KCNU1: variants seen among roughly 807,000 people sequenced by gnomAD.
KCNU1 encodes potassium calcium-activated channel subfamily U member 1.
In KCNU1, 93 loss-of-function variants were observed where a neutral mutation model predicts 126.8. The observed-to-expected ratio is 0.73, with a 90% CI of 0.62 to 0.87. The LOEUF (loss-of-function observed/expected upper bound fraction) is 0.87. Among genes scored for constraint, KCNU1 ranks in the 40% least tolerant of loss-of-function variants. The probability of loss-of-function intolerance (pLI) is 0.00; values close to 1 mark genes in which losing one functional copy is unlikely to be tolerated. For missense variants in KCNU1, 1,330 were observed against 1,367.1 expected (o/e 0.97, Z 0.43); for synonymous variants, 523 against 494.2 (o/e 1.06, Z -0.77).
intron 7 of KCNU1, among the ~76,000 whole-genome samples, chr8:36,813,851 A>G (rs1803810850): frequency 7.1e-6 from 1 of 141,802 alleles, no homozygotes; most frequent in Non-Finnish European, 1.5e-5. Context: ...ATATGTCATA[A>G]TTGCTCAGTC....
intron 19 of KCNU1, among the ~76,000 whole-genome samples, chr8:36,900,557 A>G (rs1346688381): frequency 6.6e-6 from 1 of 152,084 alleles, no homozygotes; most frequent in Admixed American, 6.6e-5. Context: ...CTGCCCTTAC[A>G]TTCCCCAATT....
In KCNU1 at chr8:36,874,571, T is replaced by C. The variant is rs113135733; in HGVS notation, c.2009+10050T>C. 1.3e-3 allele frequency among the ~76,000 whole-genome samples: 196 copies of C among 152,184 alleles called. 1 individual carries two copies. The highest frequency in any genetic ancestry group is 4.6e-3 in the African/African-American group (192 of 41,526). On this transcript the variant is annotated intron_variant, in intron 19 of 26. Transcript: ENST00000399881. ...TGGGCAGGAGGTCTTGGTGGCATCA[T>C]CCCTGAGCCGGGCTTCATCCCATGA...
At chr8:36,861,199 A>G (rs1426630550) in intron 18 of KCNU1, among the ~76,000 whole-genome samples, 2 of 152,210 alleles carry the variant, frequency 1.3e-5, no homozygotes, top group Non-Finnish European at 1.5e-5. Context: ...TTCAATAAAA[A>G]GAAAAGCAAC....
At chr8:36,901,230 G>A (rs1033428219) in intron 19 of KCNU1, among the ~76,000 whole-genome samples, 7 of 152,104 alleles carry the variant, frequency 4.6e-5, no homozygotes, top group African/African-American at 1.4e-4. Context: ...TGGAAACCAT[G>A]CCTCCTGAAC....
chr8:36,901,266 T>C (rs570629358), intron 19 of KCNU1, among the ~76,000 whole-genome samples: 1 of 152,234 alleles, frequency 6.6e-6, no homozygotes, highest in East Asian at 1.9e-4. Flanking sequence ...TAGTCCACCT[T>C]CTTAATAGAA....
At chr8:36,862,247 G>A (rs1805758771) in intron 18 of KCNU1, among the ~76,000 whole-genome samples, 2 of 152,262 alleles carry the variant, frequency 1.3e-5, no homozygotes, top group East Asian at 1.9e-4. Context: ...CAAACAGAAT[G>A]AGATCAGAGA....
chr8:36,843,956 T>C (rs1350483738), intron 16 of KCNU1, among the ~76,000 whole-genome samples: 1 of 152,150 alleles, frequency 6.6e-6, no homozygotes, highest in East Asian at 1.9e-4. Flanking sequence ...AATAACACCA[T>C]GTTAGGAAAA....
Position 36,922,516 on chromosome 8 carries a change from G to T in KCNU1, c.2623G>T (p.Glu875Ter), listed in dbSNP as rs754747488. ...AAATCCTTCCAACATTCACTTTATT[G>T]AACAGCTTGGTGGACTGGAAGGGTC... ...LKNPSNIHFI[E>*]QLGGLEGSLQ... Residue 875 changes from glutamate (E) to a stop codon, truncating the protein, a stop_gained, in exon 24 of 27, where the codon GAA becomes TAA. Coordinates refer to ENST00000399881, the MANE Select transcript of KCNU1 (RefSeq NM_001031836.3). LOFTEE classifies it high-confidence loss of function. The T allele has an allele frequency of 2.5e-6, 4 of 1,612,708 alleles. No homozygotes were observed. In the South Asian group the frequency reaches 4.4e-5, roughly 18 times the overall value.
At chr8:36,800,673 C>T (rs923240564) in intron 2 of KCNU1, among the ~76,000 whole-genome samples, 1 of 152,196 alleles carries the variant, frequency 6.6e-6, no homozygotes, top group African/African-American at 2.4e-5. Flanking sequence ...AGATTTTGCT[C>T]CTCCAACCCA....
chr8:36,929,323 G>T (rs962593334), intron 24 of KCNU1, among the ~76,000 whole-genome samples: 1 of 149,412 alleles, frequency 6.7e-6, no homozygotes, highest in Non-Finnish European at 1.5e-5. Context: ...GGCAGAGGTT[G>T]CAGTGAGCCG....
At chr8:36,807,173 C>T (rs371618894) in intron 5 of KCNU1, among the ~76,000 whole-genome samples, 96 of 152,230 alleles carry the variant, frequency 6.3e-4, no homozygotes, top group African/African-American at 2.2e-3. Context: ...CTAGAGAAGG[C>T]GAGGGGATTG....
At chr8:36,829,385 A>G (rs1804445515) in intron 10 of KCNU1, among the ~76,000 whole-genome samples, 1 of 151,798 alleles carries the variant, frequency 6.6e-6, no homozygotes, top group South Asian at 2.1e-4. Flanking sequence ...ATTTCCTACC[A>G]ATAATTTTAA....
At position 36,836,884 on chromosome 8, in the gene KCNU1, G is replaced by T. The variant is rs767372987; in HGVS notation, c.1457G>T (p.Gly486Val). The change falls in exon 14 of 27, where the codon GGC becomes GTC. Residue 486 changes from glycine to valine, a missense_variant. By Grantham distance (109) the Gly-to-Val change is moderately radical (BLOSUM62 -3). Coordinates refer to ENST00000399881, the MANE Select transcript of KCNU1 (RefSeq NM_001031836.3). ...TTAAAACTTGGATTTATCGCCCAAGGCTGTTTGGTGCCAGGCTTGTGTACC... is the reference window on the plus strand; with the variant it reads ...TTAAAACTTGGATTTATCGCCCAAGTCTGTTTGGTGCCAGGCTTGTGTACC... ...AELKLGFIAQGCLVPGLCTFL... is the reference protein window; with the variant it reads ...AELKLGFIAQVCLVPGLCTFL... The T allele has an allele frequency of 2.5e-6, 4 of 1,613,770 alleles. No individual in the cohort carries two copies. Among genetic ancestry groups the T allele is most frequent in the Non-Finnish European group, 3.4e-6 (4 of 1,179,758 alleles).
intron 19 of KCNU1, among the ~76,000 whole-genome samples, chr8:36,903,590 C>CACTGGATTAT (rs1807505735): frequency 6.6e-6 from 1 of 152,112 alleles, no homozygotes; most frequent in South Asian, 2.1e-4. Context: ...AGTTGTGAAA[C>CACTGGATTAT]ACTGGATTAT....
chr8:36,796,435 T>G (rs988232249), intron 2 of KCNU1, among the ~76,000 whole-genome samples: 1 of 152,226 alleles, frequency 6.6e-6, no homozygotes, highest in African/African-American at 2.4e-5. Flanking sequence ...GCTGAATGAT[T>G]GAAAGGGACA....
Position 36,852,169 on chromosome 8 carries a change from G to A in KCNU1, c.1891+6270G>A, listed in dbSNP as rs567781859. On this transcript the variant is annotated intron_variant, in intron 18 of 26. Coordinates refer to ENST00000399881, the MANE Select transcript of KCNU1 (RefSeq NM_001031836.3). ...TTTATTCTATTAATATGGTATATTG[G>A]ATTAATTGATATCCAAATGTTAAAC... 2.6e-5 allele frequency among the ~76,000 whole-genome samples: 4 copies of A among 152,098 alleles called. No homozygotes were observed. In the South Asian group the frequency reaches 8.3e-4, roughly 32 times the overall value.
chr8:36,861,115 G>A (rs930706051), intron 18 of KCNU1, among the ~76,000 whole-genome samples: 1 of 152,104 alleles, frequency 6.6e-6, no homozygotes, highest in African/African-American at 2.4e-5. Context: ...TCTTAGGTTA[G>A]GTAGGAGAAA....
rs776317205 is a variant in KCNU1 at position 36,841,046 on chromosome 8, T to TG, written c.1703+43_1703+44insG. ...CATCTCTTCAGTTGTTTTTTTTTTT[T>TG]TTTTTTTTTTCCTGGAGATTCTTTG... On this transcript the variant is annotated intron_variant, in intron 16 of 26. Transcript: ENST00000399881. 4 of 1,292,990 alleles carry TG rather than the reference T, an allele frequency of 3.1e-6. No individual in the cohort carries two copies. The South Asian group carries it at 3.9e-5, about 13-fold the overall frequency. 80.1% of individuals were successfully genotyped at this position (1,292,990 alleles called of 1,614,324 possible).
chr8:36,797,422 T>C (rs1308163330), intron 2 of KCNU1, among the ~76,000 whole-genome samples: 1 of 152,174 alleles, frequency 6.6e-6, no homozygotes, highest in Non-Finnish European at 1.5e-5. Flanking sequence ...CTGCCCTATA[T>C]TTCTCTGTGT....
Sources: allele counts gnomAD v4.1 joint callset (sites outside exome capture counted in the v4.1 genomes callset), GRCh38; gene constraint gnomAD v4.1.1; transcripts MANE v1.5; gene names NCBI Gene and HGNC (gene_info 2026-07-23, HGNC 2026-07-21).